Variants in HS3ST4 observed in about 807,000 individuals in gnomAD.
HS3ST4 encodes heparan sulfate-glucosamine 3-sulfotransferase 4.
In HS3ST4, 17 loss-of-function variants were observed where a neutral mutation model predicts 29.2. The observed-to-expected ratio is 0.58, with a 90% confidence interval of 0.40 to 0.87. HS3ST4 has a LOEUF of 0.87. Ranked by LOEUF, HS3ST4 falls within the 40% of genes least tolerant of loss-of-function variation. HS3ST4 has a pLI of 0.00. For synonymous variants in HS3ST4, 314 were observed against 285.7 expected (o/e 1.10, Z -1.00); for missense variants, 627 against 634.5 (o/e 0.99, Z 0.13).
chr16:25,959,007 G>GGGTT (rs1297351053), intron 1 of HS3ST4, among the ~76,000 whole-genome samples: 11 of 152,200 alleles, frequency 7.2e-5, no homozygotes, highest in African/African-American at 2.7e-4. Flanking sequence ...ACTGAGACAT[G>GGGTT]GGTTGCAGTA....
chr16:26,129,079 C>T (rs960422446), intron 1 of HS3ST4, among the ~76,000 whole-genome samples: 14 of 152,140 alleles, frequency 9.2e-5, no homozygotes, highest in Admixed American at 7.2e-4. Flanking sequence ...ATATCTAATC[C>T]GGGTGATTGC....
At chr16:25,829,877 G>A (rs1428114037) in intron 1 of HS3ST4, among the ~76,000 whole-genome samples, 1 of 152,090 alleles carries the variant, frequency 6.6e-6, no homozygotes, top group Non-Finnish European at 1.5e-5. Context: ...AGGTGGGAGT[G>A]CAGTGGTGCA....
intron 1 of HS3ST4, among the ~76,000 whole-genome samples, chr16:26,102,257 T>A (rs899134884): frequency 7.4e-4 from 3 of 4,054 alleles, no homozygotes; most frequent in Non-Finnish European, 0.077. Context: ...ACAGCAATGA[T>A]TTTTTTTTTT....
At chr16:25,750,763 G>A (rs1966713529) in intron 1 of HS3ST4, among the ~76,000 whole-genome samples, 2 of 152,156 alleles carry the variant, frequency 1.3e-5, no homozygotes, top group South Asian at 4.1e-4. Context: ...TGCCTGCATA[G>A]TATCAGCCTC....
chr16:25,958,312 C>T (rs12446064), intron 1 of HS3ST4, among the ~76,000 whole-genome samples: 10,378 of 152,144 alleles, frequency 0.068, 483 homozygotes, highest in Non-Finnish European at 0.092. Flanking sequence ...GCAATTAGAA[C>T]AGAGTGAAGT....
At chr16:26,047,541 T>C (rs1898285424) in intron 1 of HS3ST4, among the ~76,000 whole-genome samples, 1 of 152,148 alleles carries the variant, frequency 6.6e-6, no homozygotes, top group Non-Finnish European at 1.5e-5. Context: ...AGGATGCTGT[T>C]ATCAACCCTG....
rs1555469183 is a variant in HS3ST4 at position 25,857,948 on chromosome 16, C to CTTTCTTTCTTTATTTA, written c.734+164808_734+164809insATTTATTTCTTTCTTT. On this transcript the variant is annotated intron_variant, in intron 1 of 1. Coordinates refer to ENST00000331351, the MANE Select transcript of HS3ST4 (RefSeq NM_006040.3). ...TCTTTCTTTCTTTCTTTCTTTCTTTCTTTCTTTCTTTCTTTCTTTCTTTCT... is the reference window on the plus strand; with the variant it reads ...TCTTTCTTTCTTTCTTTCTTTCTTTCTTTCTTTCTTTATTTATTTCTTTCTTTCTTTCTTTCTTTCT... Among the ~76,000 whole-genome samples the CTTTCTTTCTTTATTTA allele has an allele frequency of 3.0e-4, 17 of 57,152 alleles. 2 individuals carry two copies. The highest frequency in any genetic ancestry group is 4.1e-4 in the Non-Finnish European group (12 of 29,362). 37.5% of individuals were successfully genotyped at this position (57,152 alleles called of 152,430 possible). A position where few individuals can be genotyped will look rare whatever the true frequency, so the allele number is the denominator to read the frequency against.
At chr16:26,059,195 T>C (rs1898446062) in intron 1 of HS3ST4, among the ~76,000 whole-genome samples, 1 of 151,920 alleles carries the variant, frequency 6.6e-6, no homozygotes, top group African/African-American at 2.4e-5. Flanking sequence ...CTTGTCAGAG[T>C]GGCAGGTTCA....
intron 1 of HS3ST4, among the ~76,000 whole-genome samples, chr16:26,069,511 C>T (rs1386179119): frequency 2.6e-5 from 4 of 152,112 alleles, no homozygotes; most frequent in Middle Eastern, 3.4e-3. Flanking sequence ...GTCAAGTAAT[C>T]GCGGTTGATG....
At chr16:26,038,403 T>G (rs1018378813) in intron 1 of HS3ST4, among the ~76,000 whole-genome samples, 1 of 152,124 alleles carries the variant, frequency 6.6e-6, no homozygotes, top group African/African-American at 2.4e-5. Flanking sequence ...CTAGACAGAC[T>G]AGAATAAAAT....
chr16:25,857,586 C>A (rs1967586410), intron 1 of HS3ST4, among the ~76,000 whole-genome samples: 1 of 152,116 alleles, frequency 6.6e-6, no homozygotes, highest in Non-Finnish European at 1.5e-5. Context: ...TACAGGGATT[C>A]ACAGAAAGAA....
chr16:25,862,037 G>A (rs9921985), intron 1 of HS3ST4, among the ~76,000 whole-genome samples: 1,658 of 152,198 alleles, frequency 0.011, 23 homozygotes, highest in African/African-American at 0.037. Flanking sequence ...GTAGGGGAAG[G>A]TGGTTCCAGA....
chr16:25,763,287 TCTC>T (rs1966799788), intron 1 of HS3ST4, among the ~76,000 whole-genome samples: 3 of 152,100 alleles, frequency 2.0e-5, no homozygotes, highest in African/African-American at 7.2e-5. Flanking sequence ...TGTTTTGTTT[TCTC>T]CTCAGCTGCA....
At chr16:26,011,648 C>T (rs1680650182) in intron 1 of HS3ST4, among the ~76,000 whole-genome samples, 1 of 151,508 alleles carries the variant, frequency 6.6e-6, no homozygotes, top group South Asian at 2.1e-4. Context: ...GATGAGCTGC[C>T]AGTGACAATG....
At chr16:25,740,541 A>G (rs1256274811) in intron 1 of HS3ST4, among the ~76,000 whole-genome samples, 2 of 152,228 alleles carry the variant, frequency 1.3e-5, no homozygotes, top group Non-Finnish European at 2.9e-5. Flanking sequence ...AGCAATGAAT[A>G]ACAACCCGGT....
chr16:25,966,704 C>T lies in HS3ST4; in HGVS notation c.735-168908C>T, dbSNP rs961045984. On this transcript the variant is annotated intron_variant, in intron 1 of 1. Coordinates refer to ENST00000331351, the MANE Select transcript of HS3ST4 (RefSeq NM_006040.3). ...TTCTCTGTTTCTGCTCTCTGCATAG[C>T]TTGGTGGCAGGGAGATAGTCTTGCA... Among the ~76,000 whole-genome samples, 12 of 152,236 alleles carry T rather than the reference C, an allele frequency of 7.9e-5. No individual in the cohort carries two copies. In the East Asian group the frequency reaches 2.3e-3, roughly 29 times the overall value.
intron 1 of HS3ST4, among the ~76,000 whole-genome samples, chr16:25,742,667 C>T (rs997838391): frequency 1.3e-5 from 2 of 152,196 alleles, no homozygotes; most frequent in Non-Finnish European, 2.9e-5. Context: ...GTGCCATGCC[C>T]TCTCTTCTGT....
At chr16:25,779,190 A>G (rs1357079380) in intron 1 of HS3ST4, among the ~76,000 whole-genome samples, 1 of 152,244 alleles carries the variant, frequency 6.6e-6, no homozygotes, top group Non-Finnish European at 1.5e-5. Flanking sequence ...CCAAATCACC[A>G]TGCTACTGAG....
intron 1 of HS3ST4, among the ~76,000 whole-genome samples, chr16:26,066,830 C>G (rs1898548551): frequency 1.3e-5 from 2 of 152,224 alleles, no homozygotes; most frequent in South Asian, 4.1e-4. Flanking sequence ...GGAAGGAGAT[C>G]CCTTTGCAGT....
Sources: gnomAD v4.1 joint callset for allele counts (sites outside exome capture counted in the v4.1 genomes callset) on GRCh38, gnomAD v4.1.1 for gene constraint, MANE v1.5 for transcripts, NCBI Gene and HGNC (gene_info 2026-07-23, HGNC 2026-07-21) for gene names.